HS3ST2: variants seen among roughly 807,000 people sequenced by gnomAD.
HS3ST2 encodes heparan sulfate-glucosamine 3-sulfotransferase 2.
Under a neutral mutation model 26.3 loss-of-function variants are expected in HS3ST2, and 17 were observed. That is an observed-to-expected ratio of 0.65 (90% CI 0.44 to 0.97). The LOEUF is 0.97. Ranked by LOEUF, HS3ST2 falls within the 50% of genes least tolerant of loss-of-function variation. The pLI, the probability that HS3ST2 is intolerant of heterozygous loss-of-function variation, is 0.00. For synonymous variants in HS3ST2, 237 were observed against 219.2 expected, an observed-to-expected ratio of 1.08 and a Z score of -0.72; for missense variants, 402 against 501.2, an observed-to-expected ratio of 0.80 and a Z score of 1.89.
intron 1 of HS3ST2, among the ~76,000 whole-genome samples, chr16:22,898,165 A>G (rs954493414): frequency 1.3e-5 from 2 of 152,256 alleles, no homozygotes; most frequent in Non-Finnish European, 2.9e-5. Flanking sequence ...TGGCACAGTG[A>G]CAAGGACTGA....
At chr16:22,863,618 C>T (rs1011397036) in intron 1 of HS3ST2, among the ~76,000 whole-genome samples, 4 of 152,134 alleles carry the variant, frequency 2.6e-5, no homozygotes, top group Non-Finnish European at 4.4e-5. Context: ...CTATTGTTAC[C>T]ATTTGTATGT....
Position 22,914,763 on chromosome 16 carries a change from A to AAAAAAAAAAAAAAAAAAAAAG in HS3ST2, c.486-180_486-179insAAAAAAAAAAAAAAAAAAAGA, listed in dbSNP as rs1489223344. On this transcript the variant is annotated intron_variant, in intron 1 of 1. Transcript: ENST00000261374. The stretch of plus-strand genomic sequence containing the variant: ...AAAAAAAAAAAAAAAAAAAAAAAAA[A>AAAAAAAAAAAAAAAAAAAAAG]AGAGAAGAAAAGAAAATCAACAAGA... Among the ~76,000 whole-genome samples, 3 of 118,690 alleles carry AAAAAAAAAAAAAAAAAAAAAG rather than the reference A, an allele frequency of 2.5e-5. 1 individual carries two copies. The highest frequency in any genetic ancestry group is 1.1e-4 in the African/African-American group (3 of 26,624). The allele number at this position is 118,690 out of a possible 152,430, so 77.9% of individuals were successfully genotyped here. A position where few individuals can be genotyped will look rare whatever the true frequency, so the allele number is the denominator to read the frequency against.
intron 1 of HS3ST2, among the ~76,000 whole-genome samples, chr16:22,901,359 A>G (rs939210028): frequency 7.2e-5 from 11 of 152,346 alleles, no homozygotes; most frequent in African/African-American, 2.6e-4. Context: ...GGGTGGCCCA[A>G]GGAGCAGCAA....
chr16:22,910,569 C>A (rs929037359), intron 1 of HS3ST2, among the ~76,000 whole-genome samples: 4 of 152,136 alleles, frequency 2.6e-5, no homozygotes, highest in Non-Finnish European at 4.4e-5. Flanking sequence ...CTCAATACTA[C>A]TTTTTTTAAT....
chr16:22,843,154 GTA>G (rs796459697), intron 1 of HS3ST2, among the ~76,000 whole-genome samples: 6 of 145,954 alleles, frequency 4.1e-5, no homozygotes, highest in East Asian at 2.0e-4. Flanking sequence ...CTAGATGTAT[GTA>G]TGTGTGTGTG....
intron 1 of HS3ST2, among the ~76,000 whole-genome samples, chr16:22,876,558 A>G (rs4783370): frequency 3.7e-4 from 56 of 152,344 alleles, no homozygotes; most frequent in South Asian, 3.1e-3. Context: ...CAACGACACC[A>G]CTATGGAAAA....
chr16:22,903,587 C>G (rs539434606), intron 1 of HS3ST2, among the ~76,000 whole-genome samples: 15 of 152,306 alleles, frequency 9.8e-5, no homozygotes, highest in African/African-American at 3.4e-4. Flanking sequence ...AGTCCTGTGC[C>G]TGGCATGCAG....
chr16:22,903,082 T>A (rs1168093796), intron 1 of HS3ST2, among the ~76,000 whole-genome samples: 1 of 152,226 alleles, frequency 6.6e-6, no homozygotes, highest in African/African-American at 2.4e-5. Flanking sequence ...CTTTTCCATC[T>A]TTTCCTTCAT....
intron 1 of HS3ST2, among the ~76,000 whole-genome samples, chr16:22,859,462 G>C (rs1028365917): frequency 6.6e-6 from 1 of 152,158 alleles, no homozygotes; most frequent in Non-Finnish European, 1.5e-5. Flanking sequence ...TGCTGAAAAC[G>C]TAATTGCATC....
chr16:22,848,589 G>C (rs1328566574), intron 1 of HS3ST2, among the ~76,000 whole-genome samples: 1 of 152,126 alleles, frequency 6.6e-6, no homozygotes, highest in Non-Finnish European at 1.5e-5. Context: ...AATACCTTTA[G>C]AAAGGAATTC....
chr16:22,909,364 G>C (rs892307370), intron 1 of HS3ST2, among the ~76,000 whole-genome samples: 1 of 152,244 alleles, frequency 6.6e-6, no homozygotes, highest in African/African-American at 2.4e-5. Context: ...AAAGGAGACA[G>C]AAGCTTAAAA....
chr16:22,898,479 G>A (rs1182721874), intron 1 of HS3ST2, among the ~76,000 whole-genome samples: 3 of 152,174 alleles, frequency 2.0e-5, no homozygotes, highest in Non-Finnish European at 4.4e-5. Flanking sequence ...TTCTAACTGA[G>A]ACCTGAGCAT....
intron 1 of HS3ST2, among the ~76,000 whole-genome samples, chr16:22,816,847 A>G (rs1325815527): frequency 1.3e-5 from 2 of 152,174 alleles, no homozygotes; most frequent in Non-Finnish European, 2.9e-5. Flanking sequence ...CCTTTTGCCA[A>G]TGCGAAGTGC....
At chr16:22,867,002 G>A (rs1901766920) in intron 1 of HS3ST2, among the ~76,000 whole-genome samples, 1 of 152,156 alleles carries the variant, frequency 6.6e-6, no homozygotes. Flanking sequence ...CTAGAGACTG[G>A]TGAGAACACT....
rs1291020114 is a variant in HS3ST2 at position 22,814,316 on chromosome 16, C to G, written c.-295C>G. 1 of 322,316 alleles carries G rather than the reference C, an allele frequency of 3.1e-6. No individual in the cohort carries two copies. The highest frequency in any genetic ancestry group is 5.6e-6 in the Non-Finnish European group (1 of 178,544). The allele number at this position is 322,316 out of a possible 1,614,324, so 20.0% of individuals were successfully genotyped here. On this transcript the variant is annotated 5_prime_UTR_variant, in exon 1 of 2. Coordinates refer to ENST00000261374, the MANE Select transcript of HS3ST2 (RefSeq NM_006043.2). Reference sequence around the variant, plus strand: ...GGCGCTGGGCGCGCTCCGAACCCGGCGCACGTAAGAGCCTGGGAGCGCCCG... The same window carrying G: ...GGCGCTGGGCGCGCTCCGAACCCGGGGCACGTAAGAGCCTGGGAGCGCCCG...
At chr16:22,847,950 G>A (rs1339270699) in intron 1 of HS3ST2, among the ~76,000 whole-genome samples, 1 of 148,266 alleles carries the variant, frequency 6.7e-6, no homozygotes, top group African/African-American at 2.5e-5. Flanking sequence ...AAGGAGGGAG[G>A]GAAGAAAAGA....
chr16:22,815,683 C>G (rs887450598), intron 1 of HS3ST2, among the ~76,000 whole-genome samples: 5 of 152,054 alleles, frequency 3.3e-5, no homozygotes, highest in African/African-American at 1.2e-4. Flanking sequence ...TAGCTCTGGC[C>G]CTGGTAGGTG....
At chr16:22,910,556 G>GTACTCA (rs1902412842) in intron 1 of HS3ST2, among the ~76,000 whole-genome samples, 1 of 152,140 alleles carries the variant, frequency 6.6e-6, no homozygotes, top group Non-Finnish European at 1.5e-5. Context: ...TGCAAACAAT[G>GTACTCA]TACTCAATAC....
At chr16:22,837,509 G>A (rs1410109175) in intron 1 of HS3ST2, among the ~76,000 whole-genome samples, 3 of 141,838 alleles carry the variant, frequency 2.1e-5, no homozygotes, top group Admixed American at 7.1e-5. Context: ...GTATATATAT[G>A]TGTATATATA....
Sources: allele counts gnomAD v4.1 joint callset (sites outside exome capture counted in the v4.1 genomes callset), GRCh38; gene constraint gnomAD v4.1.1; transcripts MANE v1.5; gene names NCBI Gene and HGNC (gene_info 2026-07-23, HGNC 2026-07-21).